The following CHL1 variants were observed in gnomAD, a reference collection of about 807,000 sequenced individuals.
CHL1 encodes the protein cell adhesion molecule L1 like.
Under a neutral mutation model 141.9 loss-of-function variants are expected in CHL1, and 96 were observed. The ratio of observed to expected loss-of-function variants is 0.68; its 90% CI spans 0.57 to 0.80. The LOEUF (loss-of-function observed/expected upper bound fraction) is 0.80, where lower values mean the gene tolerates loss of function less well. Ranked by LOEUF, CHL1 falls within the 30% of genes least tolerant of loss-of-function variation. CHL1 has a pLI of 0.00. For synonymous variants in CHL1, 613 were observed against 502.2 expected, an observed-to-expected ratio of 1.22 and a Z score of -2.95; for missense variants, 1,820 against 1,457.2, an observed-to-expected ratio of 1.25 and a Z score of -4.05.
intron 2 of CHL1, among the ~76,000 whole-genome samples, chr3:263,728 CT>C (rs920219945): frequency 4.6e-5 from 7 of 152,132 alleles, no homozygotes; most frequent in African/African-American, 1.4e-4. Flanking sequence ...GCATATCTTA[CT>C]TTTAGATTTT....
intron 1 of CHL1, among the ~76,000 whole-genome samples, chr3:240,915 G>A (rs928756222): frequency 2.6e-5 from 4 of 152,142 alleles, no homozygotes; most frequent in African/African-American, 9.7e-5. Flanking sequence ...GTAAGTATTT[G>A]GGTTTATTTC....
At chr3:392,733 A>T (rs1708335655) in intron 23 of CHL1, among the ~76,000 whole-genome samples, 2 of 152,218 alleles carry the variant, frequency 1.3e-5, no homozygotes, top group African/African-American at 2.4e-5. Flanking sequence ...GACTTCCAGC[A>T]ATCCAGGTCA....
intron 2 of CHL1, among the ~76,000 whole-genome samples, chr3:268,051 G>T (rs1267992625): frequency 1.3e-5 from 2 of 151,944 alleles, no homozygotes; most frequent in South Asian, 2.1e-4. Flanking sequence ...TGTCATTATC[G>T]CATTCTCTGT....
intron 11 of CHL1, among the ~76,000 whole-genome samples, chr3:357,025 G>A (rs1167877130): frequency 3.9e-5 from 6 of 152,234 alleles, no homozygotes; most frequent in Non-Finnish European, 7.3e-5. Flanking sequence ...CTAGATTGGT[G>A]GCAGTCATGG....
intron 5 of CHL1, among the ~76,000 whole-genome samples, chr3:333,108 G>T (rs1400917587): frequency 1.1e-5 from 1 of 87,128 alleles, no homozygotes; most frequent in Non-Finnish European, 2.7e-5. Flanking sequence ...GAGCTACGTT[G>T]TTGGATAATT....
At chr3:252,984 A>G (rs1465927485) in intron 2 of CHL1, among the ~76,000 whole-genome samples, 1 of 152,110 alleles carries the variant, frequency 6.6e-6, no homozygotes, top group Non-Finnish European at 1.5e-5. Flanking sequence ...TGGCCTAATT[A>G]TCTAGTATTT....
intron 2 of CHL1, among the ~76,000 whole-genome samples, chr3:249,083 T>C (rs1358648428): frequency 1.3e-5 from 2 of 152,194 alleles, no homozygotes; most frequent in Non-Finnish European, 2.9e-5. Flanking sequence ...CAGACATCTC[T>C]TCTAAACAGT....
intron 3 of CHL1, among the ~76,000 whole-genome samples, chr3:325,049 C>T (rs561241637): frequency 3.3e-5 from 5 of 151,436 alleles, no homozygotes; most frequent in Admixed American, 2.6e-4. Context: ...AAGTTAAATT[C>T]TCTAAGGAAA....
rs13318299 is a variant in CHL1 at position 328,248 on chromosome 3, G to T, written c.279G>T (p.Arg93Ser). 1 of 1,612,772 alleles carries T rather than the reference G, an allele frequency of 6.2e-7. No homozygotes were observed. Among genetic ancestry groups the T allele is most frequent in the African/African-American group, 1.3e-5 (1 of 74,836 alleles). Residue 93 changes from arginine (R) to serine (S), a missense_variant, in exon 5 of 28, where the codon AGG becomes AGT. Coordinates refer to ENST00000256509, the MANE Select transcript of CHL1 (RefSeq NM_006614.4). ...IIPSNNSGTFRIPNEGHISHF... is the reference protein window; with the variant it reads ...IIPSNNSGTFSIPNEGHISHF... ...CATCGAACAATTCAGGAACATTCAG[G>T]ATCCCAAACGAGGGGCACATATCTC...
chr3:402,932 C>A (rs1026283727), intron 27 of CHL1, among the ~76,000 whole-genome samples: 2 of 152,260 alleles, frequency 1.3e-5, no homozygotes, highest in Admixed American at 6.5e-5. Flanking sequence ...AAACAATAAA[C>A]ATTTATTATT....
At chr3:389,925 A>C (rs937504025) in intron 20 of CHL1, among the ~76,000 whole-genome samples, 24 of 152,182 alleles carry the variant, frequency 1.6e-4, no homozygotes, top group African/African-American at 5.3e-4. Context: ...TATATGTAGA[A>C]TTATATGCAC....
intron 3 of CHL1, among the ~76,000 whole-genome samples, chr3:325,312 T>C (rs1700920127): frequency 6.6e-6 from 1 of 152,044 alleles, no homozygotes. Context: ...TTTGTGTATA[T>C]ATTCTGTGGT....
intron 2 of CHL1, among the ~76,000 whole-genome samples, chr3:294,240 G>T (rs1170901667): frequency 6.6e-6 from 1 of 152,062 alleles, no homozygotes; most frequent in Non-Finnish European, 1.5e-5. Context: ...AATCACTTGA[G>T]CCTGGGAGGT....
intron 15 of CHL1, among the ~76,000 whole-genome samples, chr3:374,675 C>A (rs1001850674): frequency 6.6e-6 from 1 of 152,190 alleles, no homozygotes; most frequent in Non-Finnish European, 1.5e-5. Context: ...GGACAATAAC[C>A]TTAGCTCAGA....
intron 11 of CHL1, among the ~76,000 whole-genome samples, chr3:357,852 G>C (rs1465630572): frequency 6.6e-6 from 1 of 152,146 alleles, no homozygotes; most frequent in Non-Finnish European, 1.5e-5. Context: ...GGATCAGACG[G>C]GATAAGGAGA....
intron 23 of CHL1, among the ~76,000 whole-genome samples, chr3:392,110 A>G (rs1367114619): frequency 1.3e-5 from 2 of 152,226 alleles, no homozygotes; most frequent in East Asian, 3.8e-4. Flanking sequence ...CTAAATGTTT[A>G]CCGTCTGGCC....
intron 1 of CHL1, among the ~76,000 whole-genome samples, chr3:241,304 C>G (rs1254473467): frequency 2.6e-5 from 4 of 152,190 alleles, no homozygotes; most frequent in African/African-American, 7.2e-5. Flanking sequence ...TCCAGCATGG[C>G]AAGCAATCAC....
Position 237,415 on chromosome 3 carries a change from G to A in CHL1, c.-174-7198G>A, listed in dbSNP as rs1173971429. On this transcript the variant is annotated intron_variant, in intron 1 of 27. Transcript: ENST00000256509. Reference sequence around the variant, plus strand: ...TTCTTTATAAATTACCCAGTCTCAGGAAGTTCTTTGTAGCACTGTGAAAAC... The same window carrying A: ...TTCTTTATAAATTACCCAGTCTCAGAAAGTTCTTTGTAGCACTGTGAAAAC... 3.9e-5 allele frequency among the ~76,000 whole-genome samples: 6 copies of A among 152,310 alleles called. No homozygotes were observed. The East Asian group carries it at 5.8e-4, about 15-fold the overall frequency.
At chr3:338,855 G>A (rs773845073) in intron 5 of CHL1, among the ~76,000 whole-genome samples, 1 of 152,136 alleles carries the variant, frequency 6.6e-6, no homozygotes, top group Admixed American at 6.5e-5. Context: ...TTAATGCAAG[G>A]ATGATAATGC....
Sources: gnomAD v4.1 joint callset for allele counts (sites outside exome capture counted in the v4.1 genomes callset) on GRCh38, gnomAD v4.1.1 for gene constraint, MANE v1.5 for transcripts, NCBI Gene and HGNC (gene_info 2026-07-23, HGNC 2026-07-21) for gene names.